PDZD2: variants seen among roughly 807,000 people sequenced by gnomAD.
The protein encoded by PDZD2 is PDZ domain containing 2, also known as PDZ domain-containing protein 2.
A neutral mutation model predicts 220.7 loss-of-function variants in PDZD2; 90 were observed. The observed-to-expected ratio is 0.41, with a 90% CI of 0.34 to 0.49. The LOEUF is 0.49. Ranked by LOEUF, PDZD2 falls within the 20% of genes least tolerant of loss-of-function variation. The probability of loss-of-function intolerance (pLI) is 0.28; values close to 1 mark genes in which losing one functional copy is unlikely to be tolerated. For synonymous variants in PDZD2, 1,375 were observed against 1,450.5 expected (o/e 0.95, Z 1.18); for missense variants, 3,174 against 3,608.5 (o/e 0.88, Z 3.08).
intron 6 of PDZD2, among the ~76,000 whole-genome samples, chr5:32,031,220 A>G (rs563503323): frequency 1.3e-5 from 2 of 152,318 alleles, no homozygotes; most frequent in South Asian, 2.1e-4. Flanking sequence ...GGAACCGTCA[A>G]GAGTCTTTTC....
chr5:31,989,104 T>C (rs972165968), intron 3 of PDZD2, among the ~76,000 whole-genome samples: 1 of 152,226 alleles, frequency 6.6e-6, no homozygotes, highest in Non-Finnish European at 1.5e-5. Context: ...CTTCAACACA[T>C]ATATTACGTA....
chr5:31,651,191 C>T (rs899781528), intron 1 of PDZD2, among the ~76,000 whole-genome samples: 1 of 130,462 alleles, frequency 7.7e-6, no homozygotes, highest in Non-Finnish European at 1.6e-5. Flanking sequence ...GTCCAAGACC[C>T]GTAACTGTAG....
rs182798172 is a variant in PDZD2, at chr5:32,097,320, A to C, written c.7887A>C (p.Glu2629Asp). ...DVCFIVLNRK[E>D]GSGLGFSVAG... is the part of the protein sequence containing the mutation. The stretch of plus-strand genomic sequence containing the variant: ...GCTTCATAGTCTTGAATAGAAAAGA[A>C]GGCTCAGGTCTGGGATTCAGTGTGG... Residue 2629 changes from glutamate (E) to aspartate (D), a missense_variant, in exon 22 of 25, where the codon GAA becomes GAC. By Grantham distance (45) the Glu-to-Asp change is conservative. Transcript: ENST00000438447. 4 of 1,613,446 alleles carry C rather than the reference A, an allele frequency of 2.5e-6. No individual in the cohort carries two copies. In the East Asian group the frequency reaches 8.9e-5, roughly 36 times the overall value.
rs182538481 is a variant in PDZD2 at position 31,737,357 on chromosome 5, A to T, written c.-360-61532A>T. Among the ~76,000 whole-genome samples, 61 of 147,710 alleles carry T rather than the reference A, an allele frequency of 4.1e-4. 1 individual carries two copies. In the East Asian group the frequency reaches 6.0e-3, roughly 15 times the overall value. On this transcript the variant is annotated intron_variant, in intron 1 of 24. Transcript: ENST00000438447. ...CCAGCTAATTTGTTGTATTTTTAGT[A>T]GAGATGGGGTTTCACCGTGTTAGCC... is the stretch of plus-strand genomic sequence containing the variant.
intron 1 of PDZD2, among the ~76,000 whole-genome samples, chr5:31,704,211 C>T (rs1166544774): frequency 6.6e-6 from 1 of 152,158 alleles, no homozygotes; most frequent in African/African-American, 2.4e-5. Context: ...CAGGGTTTCA[C>T]CATGTTGCCT....
Position 32,090,941 on chromosome 5 carries a change from G to A in PDZD2, c.7493G>A (p.Ser2498Asn), listed in dbSNP as rs915610551. The A allele has an allele frequency of 3.7e-6, 6 of 1,613,880 alleles. No individual in the cohort carries two copies. The African/African-American group carries it at 8.0e-5, about 22-fold the overall frequency. Residue 2498 changes from serine to asparagine, a missense_variant, in exon 20 of 25, where the codon AGC (serine) becomes AAC (asparagine). By Grantham distance (46) the Ser-to-Asn change is conservative. Transcript: ENST00000438447. The surrounding 1 kb of genome is among the most constrained non-coding windows in gnomAD (Gnocchi z 4.3). Reference sequence around the variant, plus strand: ...ATGCCTGACCTTGACAAGCTCTGCAGCGAGGATTACTCAGCAGGGCCGAGC... The same window carrying A: ...ATGCCTGACCTTGACAAGCTCTGCAACGAGGATTACTCAGCAGGGCCGAGC... ...LSMPDLDKLC[S>N]EDYSAGPSAV...
At chr5:31,840,266 C>A (rs1201069822) in intron 2 of PDZD2, among the ~76,000 whole-genome samples, 1 of 129,764 alleles carries the variant, frequency 7.7e-6, no homozygotes, top group Non-Finnish European at 1.7e-5. Flanking sequence ...AACAAAAAAA[C>A]CACCTCATTT....
intron 1 of PDZD2, among the ~76,000 whole-genome samples, chr5:31,780,435 G>A (rs1050616672): frequency 2.0e-5 from 3 of 152,158 alleles, no homozygotes; most frequent in Non-Finnish European, 4.4e-5. Context: ...GCCAGAAGGA[G>A]GAGTAAGTTT....
intron 2 of PDZD2, among the ~76,000 whole-genome samples, chr5:31,954,841 C>CA (rs1747514672): frequency 1.3e-5 from 2 of 152,134 alleles, no homozygotes; most frequent in Admixed American, 1.3e-4. Flanking sequence ...GAAGCTGGGG[C>CA]AGGAGAATCG....
intron 1 of PDZD2, among the ~76,000 whole-genome samples, chr5:31,676,568 C>CTTTT (rs778418372): frequency 0.019 from 2,585 of 136,352 alleles, 121 homozygotes; most frequent in African/African-American, 0.066. Context: ...TTTGCTTTCT[C>CTTTT]TTTTTTTTTT....
chr5:31,667,980 G>A (rs989932815), intron 1 of PDZD2, among the ~76,000 whole-genome samples: 2 of 143,172 alleles, frequency 1.4e-5, no homozygotes, highest in Non-Finnish European at 3.0e-5. Context: ...TCCTGCCTCA[G>A]CCTCCCAAGT....
chr5:31,849,935 CAT>C (rs1244381437), intron 2 of PDZD2, among the ~76,000 whole-genome samples: 1,479 of 19,166 alleles, frequency 0.077, 342 homozygotes, highest in Non-Finnish European at 0.11. Context: ...TATATATACA[CAT>C]ATATATATAT....
chr5:31,891,200 G>A (rs1319403713), intron 2 of PDZD2, among the ~76,000 whole-genome samples: 6 of 143,236 alleles, frequency 4.2e-5, no homozygotes, highest in South Asian at 2.2e-4. Context: ...GCAATGGCGC[G>A]ATCTCGGCTC....
At chr5:31,892,865 C>T (rs957915561) in intron 2 of PDZD2, among the ~76,000 whole-genome samples, 5 of 152,044 alleles carry the variant, frequency 3.3e-5, no homozygotes, top group Non-Finnish European at 4.4e-5. Flanking sequence ...GCCACTGTGC[C>T]CAGCTGGGCC....
chr5:31,660,355 AT>A (rs1238812853), intron 1 of PDZD2, among the ~76,000 whole-genome samples: 1 of 152,088 alleles, frequency 6.6e-6, no homozygotes, highest in East Asian at 1.9e-4. Flanking sequence ...TTATAAAAAA[AT>A]TTTTTAGAGA....
At chr5:31,880,791 CTTTTTTTTTTTTTTTTTTT>C (rs1037018187) in intron 2 of PDZD2, among the ~76,000 whole-genome samples, 1 of 76,486 alleles carries the variant, frequency 1.3e-5, no homozygotes, top group Non-Finnish European at 2.4e-5. Flanking sequence ...TTTTTTTTTT[CTTTTTTTTTTTTTTTTTTT>C]TTTTTTTTGA....
At chr5:31,714,690 T>A (rs1314651346) in intron 1 of PDZD2, among the ~76,000 whole-genome samples, 1 of 152,184 alleles carries the variant, frequency 6.6e-6, no homozygotes, top group Non-Finnish European at 1.5e-5. Context: ...AGTTCATCTG[T>A]TTGGGCATAT....
At chr5:31,974,129 C>T (rs561632385) in intron 2 of PDZD2, among the ~76,000 whole-genome samples, 10 of 152,166 alleles carry the variant, frequency 6.6e-5, no homozygotes, top group South Asian at 2.1e-4. Context: ...TACAGGCACC[C>T]GCTACCACGC....
At chr5:31,793,310 G>A (rs1753825261) in intron 1 of PDZD2, among the ~76,000 whole-genome samples, 1 of 152,052 alleles carries the variant, frequency 6.6e-6, no homozygotes, top group East Asian at 1.9e-4. Context: ...CAGAGTGGGG[G>A]CACTTCCCCC....
Sources: gnomAD v4.1 joint callset for allele counts (sites outside exome capture counted in the v4.1 genomes callset) on GRCh38, gnomAD v4.1.1 for gene constraint, Gnocchi (gnomAD v3.1) non-coding constraint, MANE v1.5 for transcripts, NCBI Gene and HGNC (gene_info 2026-07-23, HGNC 2026-07-21) for gene names.